DYSF: variants seen among roughly 807,000 people sequenced by gnomAD.
The protein encoded by DYSF is dystrophy-associated fer-1-like 1.
Under a neutral mutation model 274.9 loss-of-function variants are expected in DYSF, and 212 were observed. The observed-to-expected ratio is 0.77, with a 90% CI of 0.69 to 0.86. The LOEUF is 0.86. Ranked by LOEUF, DYSF falls within the 40% of genes least tolerant of loss-of-function variation. The pLI is 0.00. For missense variants in DYSF, 2,666 were observed against 2,783.2 expected, an observed-to-expected ratio of 0.96 and a Z score of 0.95; for synonymous variants, 1,091 against 1,078.7, an observed-to-expected ratio of 1.01 and a Z score of -0.22.
chr2:71,661,728 C>T (rs1256726068), intron 45 of DYSF, among the ~76,000 whole-genome samples: 1 of 152,162 alleles, frequency 6.6e-6, no homozygotes, highest in South Asian at 2.1e-4. Flanking sequence ...GCAGAAGACA[C>T]CTACTGTTCC....
At chr2:71,579,943 G>C (rs1645176615) in intron 30 of DYSF, among the ~76,000 whole-genome samples, 1 of 152,202 alleles carries the variant, frequency 6.6e-6, no homozygotes, top group African/African-American at 2.4e-5. Flanking sequence ...AGGCCTGAGT[G>C]GGGATGTCCA....
chr2:71,540,260 G>A (rs1049227592), intron 17 of DYSF, among the ~76,000 whole-genome samples: 8 of 151,872 alleles, frequency 5.3e-5, no homozygotes, highest in South Asian at 2.1e-4. Flanking sequence ...ACAGGCGCGC[G>A]CCACCACGCC....
In DYSF at chr2:71,683,412, C is replaced by T. The variant is rs530234702; in HGVS notation, c.6321+735C>T. Among the ~76,000 whole-genome samples the T allele has an allele frequency of 5.9e-5, 9 of 152,290 alleles. No homozygotes were observed. In the South Asian group the frequency reaches 1.0e-3, roughly 18 times the overall value. On this transcript the variant is annotated intron_variant, in intron 55 of 55. Transcript: ENST00000410020. ...AGCCCGCACAGCTCATCAGGGAACC[C>T]GGATCACCAGGGAGCCTCCCCCAGT...
At chr2:71,553,267 G>A (rs2152791234) in intron 20 of DYSF, 79 bp downstream of exon 20, 1 of 1,598,650 alleles carries the variant, frequency 6.3e-7, no homozygotes, top group East Asian at 2.2e-5. Context: ...CGCCTCCCAT[G>A]GAAAGCTGCC....
chr2:71,604,460 C>G (rs765838110), intron 36 of DYSF, among the ~76,000 whole-genome samples: 5 of 152,186 alleles, frequency 3.3e-5, no homozygotes, highest in Non-Finnish European at 5.9e-5. Context: ...GAAGAGTGCT[C>G]AAGCCTTTCT....
In DYSF at chr2:71,549,395, C is replaced by T. The variant is rs763227235; in HGVS notation, c.1577-1646C>T. On this transcript the variant is annotated intron_variant, in intron 17 of 55. Coordinates refer to ENST00000410020, the MANE Select transcript of DYSF (RefSeq NM_001130987.2). ...AAGCCTTCGAAAGCCTCAGACTGTA[C>T]GTTGCTGTCACCTTGGGGACAACCA... 28 of 1,611,446 alleles carry T rather than the reference C, an allele frequency of 1.7e-5. No individual in the cohort carries two copies. Among genetic ancestry groups the T allele is most frequent in the African/African-American group, 9.4e-5 (7 of 74,810 alleles).
At chr2:71,571,042 C>T (rs2092395346) in intron 29 of DYSF, 1 of 416,086 alleles carries the variant, frequency 2.4e-6, no homozygotes, top group African/African-American at 2.9e-5. Context: ...ACAGATTACA[C>T]CCAGCACACA....
intron 32 of DYSF, among the ~76,000 whole-genome samples, chr2:71,591,218 A>AAACTC (rs2093254632): frequency 6.6e-6 from 1 of 152,224 alleles, no homozygotes; most frequent in Admixed American, 6.5e-5. Flanking sequence ...TCTAACCAGC[A>AAACTC]AACTCCTAGT....
chr2:71,505,815 C>T (rs571961638), intron 4 of DYSF, among the ~76,000 whole-genome samples: 20 of 152,360 alleles, frequency 1.3e-4, no homozygotes, highest in African/African-American at 4.3e-4. Context: ...GTCGGCATCA[C>T]CCGGGCCTTA....
At chr2:71,491,591 AGT>A (rs1346923015) in intron 3 of DYSF, among the ~76,000 whole-genome samples, 3 of 152,138 alleles carry the variant, frequency 2.0e-5, no homozygotes, top group Non-Finnish European at 4.4e-5. Flanking sequence ...GAAAGGTCCC[AGT>A]GTGTGTCCTC....
At chr2:71,547,397 C>T (rs143174356) in intron 17 of DYSF, among the ~76,000 whole-genome samples, 2,405 of 152,276 alleles carry the variant, frequency 0.016, 31 homozygotes, top group Non-Finnish European at 0.025. Context: ...CCTGTAATCC[C>T]AGCACTTTGG....
chr2:71,628,095 GC>G (rs1057022285), intron 41 of DYSF, among the ~76,000 whole-genome samples: 85 of 151,850 alleles, frequency 5.6e-4, no homozygotes, highest in African/African-American at 2.0e-3. Flanking sequence ...ATCTCTATCA[GC>G]CTTTTTTCAA....
chr2:71,539,238 A>G lies in DYSF; in HGVS notation c.1575A>G (p.Glu525=), dbSNP rs745746328. 3 of 1,613,688 alleles carry G rather than the reference A, an allele frequency of 1.9e-6. No homozygotes were observed. The highest frequency in any genetic ancestry group is 2.5e-6 in the Non-Finnish European group (3 of 1,179,630). The change falls in exon 17 of 56, where the codon GAA becomes GAG. Residue 525 remains glutamate (E), a splice_region_variant and synonymous_variant. Transcript: ENST00000410020. ...SKISAPGGEI[E]VDDYLGFLPT... The stretch of plus-strand genomic sequence containing the variant: ...TCTCTGCCCCTGGAGGAGAAATAGA[A>G]GGTATGTTCCCTCTTCGTTCTGCCC...
chr2:71,493,681 G>A (rs552447616), intron 3 of DYSF, among the ~76,000 whole-genome samples: 20 of 151,972 alleles, frequency 1.3e-4, no homozygotes, highest in African/African-American at 4.3e-4. Context: ...GTGAAACCCC[G>A]TCACTACTCA....
chr2:71,565,395 ACCT>A (rs1429799784), intron 24 of DYSF, among the ~76,000 whole-genome samples: 1 of 151,212 alleles, frequency 6.6e-6, no homozygotes, highest in African/African-American at 2.4e-5. Flanking sequence ...AGCCCTCCTT[ACCT>A]CTTTTCATTT....
At chr2:71,638,792 T>C (rs1162403981) in intron 41 of DYSF, among the ~76,000 whole-genome samples, 1 of 152,240 alleles carries the variant, frequency 6.6e-6, no homozygotes, top group African/African-American at 2.4e-5. Context: ...GCTTTGAACA[T>C]TCATGTACAA....
intron 12 of DYSF, among the ~76,000 whole-genome samples, chr2:71,523,685 T>C (rs1333415192): frequency 1.3e-5 from 2 of 151,978 alleles, no homozygotes; most frequent in Admixed American, 6.6e-5. Flanking sequence ...TAGCTGGGAT[T>C]ACAAGCGTGC....
chr2:71,626,200 G>T (rs956597629), intron 41 of DYSF, among the ~76,000 whole-genome samples: 10 of 151,754 alleles, frequency 6.6e-5, no homozygotes, highest in African/African-American at 2.2e-4. Context: ...GTTATAGAGA[G>T]TATTCTTTTC....
At position 71,570,696 on chromosome 2, in the gene DYSF, G is replaced by C. The variant is rs1175333948; in HGVS notation, c.3183G>C (p.Val1061=). The C allele has an allele frequency of 6.2e-7, 1 of 1,614,048 alleles. No individual in the cohort carries two copies. Among genetic ancestry groups the C allele is most frequent in the South Asian group, 1.1e-5 (1 of 91,090 alleles). ...ACACACACCGACGGCGGCGCTGGGT[G>C]CGCCTGCGCAGGAGGGATCTCAGCC... ...MYYTHRRRRW[V]RLRRRDLSQM... Residue 1061 remains valine, a synonymous_variant, in exon 29 of 56, where the codon GTG becomes GTC. Coordinates refer to ENST00000410020, the MANE Select transcript of DYSF (RefSeq NM_001130987.2).
Sources: gnomAD v4.1 joint callset for allele counts (sites outside exome capture counted in the v4.1 genomes callset) on GRCh38, gnomAD v4.1.1 for gene constraint, MANE v1.5 for transcripts, NCBI Gene and HGNC (gene_info 2026-07-23, HGNC 2026-07-21) for gene names.